Variants in MACROD2 observed in about 807,000 individuals in gnomAD.
MACROD2 encodes ADP-ribose glycohydrolase MACROD2.
In MACROD2, 36 loss-of-function variants were observed where a neutral mutation model predicts 70.4. The ratio of observed to expected loss-of-function variants is 0.51; its 90% CI spans 0.39 to 0.68. MACROD2 has a LOEUF of 0.68. MACROD2 is among the 30% of genes least tolerant of loss of function. The pLI is 0.00. For missense variants in MACROD2, 496 were observed against 538.4 expected (o/e 0.92, Z 0.78); for synonymous variants, 172 against 178.8 (o/e 0.96, Z 0.30).
intron 8 of MACROD2, among the ~76,000 whole-genome samples, chr20:15,792,669 T>C (rs1035057727): frequency 3.9e-5 from 6 of 152,278 alleles, no homozygotes; most frequent in African/African-American, 9.6e-5. Flanking sequence ...ATATCCAGTG[T>C]CAAATGAGGA....
intron 5 of MACROD2, among the ~76,000 whole-genome samples, chr20:14,700,202 T>G (rs1300653343): frequency 6.6e-6 from 1 of 152,116 alleles, no homozygotes; most frequent in Non-Finnish European, 1.5e-5. Flanking sequence ...CCATATTTTG[T>G]GTGTGTGTCT....
At chr20:14,014,568 T>G (rs10485770) in intron 2 of MACROD2, among the ~76,000 whole-genome samples, 23,056 of 152,090 alleles carry the variant, frequency 0.15, 1,939 homozygotes, top group Admixed American at 0.22. Flanking sequence ...TTGGCAACAG[T>G]TCATACAATA....
At chr20:15,211,557 A>G (rs1294454483) in intron 5 of MACROD2, among the ~76,000 whole-genome samples, 1 of 151,936 alleles carries the variant, frequency 6.6e-6, no homozygotes, top group Non-Finnish European at 1.5e-5. Context: ...CTATGAGTCC[A>G]CGTGAGAGCT....
intron 8 of MACROD2, among the ~76,000 whole-genome samples, chr20:15,524,351 T>G (rs544424902): frequency 1.3e-5 from 2 of 152,204 alleles, no homozygotes; most frequent in African/African-American, 4.8e-5. Flanking sequence ...TAGTGTCCCT[T>G]GGACACAGCT....
At chr20:14,468,335 T>G (rs1180724585) in intron 3 of MACROD2, among the ~76,000 whole-genome samples, 1 of 151,994 alleles carries the variant, frequency 6.6e-6, no homozygotes, top group Non-Finnish European at 1.5e-5. Context: ...TAGCTCTTCT[T>G]GTTGCATTGA....
intron 5 of MACROD2, among the ~76,000 whole-genome samples, chr20:15,011,740 C>G (rs2075084060): frequency 6.6e-6 from 1 of 152,084 alleles, no homozygotes. Flanking sequence ...AGGATGAGGC[C>G]CTAATGTGTT....
At chr20:15,717,598 A>G (rs2050724384) in intron 8 of MACROD2, among the ~76,000 whole-genome samples, 1 of 152,220 alleles carries the variant, frequency 6.6e-6, no homozygotes, top group East Asian at 1.9e-4. Context: ...TGCAGCCCTA[A>G]TCTAGACACC....
At chr20:14,019,780 A>C (rs2053047115) in intron 2 of MACROD2, among the ~76,000 whole-genome samples, 1 of 152,144 alleles carries the variant, frequency 6.6e-6, no homozygotes, top group African/African-American at 2.4e-5. Context: ...GCAATCCGAA[A>C]AGGCCAATCT....
At chr20:14,746,720 G>T (rs1326498443) in intron 5 of MACROD2, among the ~76,000 whole-genome samples, 1 of 152,070 alleles carries the variant, frequency 6.6e-6, no homozygotes, top group Non-Finnish European at 1.5e-5. Context: ...AACCATTAAC[G>T]CATTAATGTG....
intron 15 of MACROD2, among the ~76,000 whole-genome samples, chr20:16,034,967 A>G (rs1414001840): frequency 6.7e-6 from 1 of 149,240 alleles, no homozygotes; most frequent in Non-Finnish European, 1.5e-5. Flanking sequence ...AATCTCATCC[A>G]TGTCATTGTA....
chr20:14,873,207 A>C (rs1360289166), intron 5 of MACROD2, among the ~76,000 whole-genome samples: 1 of 152,170 alleles, frequency 6.6e-6, no homozygotes. Flanking sequence ...AGTTCAATAC[A>C]TGTTTTTATC....
intron 3 of MACROD2, among the ~76,000 whole-genome samples, chr20:14,374,747 A>G (rs530147786): frequency 6.6e-6 from 1 of 152,130 alleles, no homozygotes; most frequent in African/African-American, 2.4e-5. Context: ...GTCATAATCA[A>G]ATTGATCATC....
intron 8 of MACROD2, among the ~76,000 whole-genome samples, chr20:15,646,874 A>T (rs2049554805): frequency 6.6e-6 from 1 of 152,102 alleles, no homozygotes; most frequent in Admixed American, 6.5e-5. Flanking sequence ...TTTGTAAATT[A>T]CTCAGTGTCA....
At chr20:15,740,565 A>G (rs2051089031) in intron 8 of MACROD2, among the ~76,000 whole-genome samples, 1 of 151,928 alleles carries the variant, frequency 6.6e-6, no homozygotes, top group Non-Finnish European at 1.5e-5. Flanking sequence ...CTAAAGCTAT[A>G]CTTCTTGTCC....
intron 5 of MACROD2, among the ~76,000 whole-genome samples, chr20:14,918,757 A>C (rs1309920511): frequency 6.6e-6 from 1 of 151,968 alleles, no homozygotes; most frequent in Non-Finnish European, 1.5e-5. Flanking sequence ...TGAAGGTCAT[A>C]CTATTAGATT....
chr20:14,867,083 A>G (rs2122405843), intron 5 of MACROD2, among the ~76,000 whole-genome samples: 1 of 152,224 alleles, frequency 6.6e-6, no homozygotes, highest in Non-Finnish European at 1.5e-5. Context: ...TGCATTCCTC[A>G]AGGATCGTGT....
intron 3 of MACROD2, among the ~76,000 whole-genome samples, chr20:14,302,571 C>T (rs1312971541): frequency 6.6e-6 from 1 of 151,928 alleles, no homozygotes; most frequent in African/African-American, 2.4e-5. Flanking sequence ...GTCCTTATAC[C>T]TATTGATTTT....
At chr20:14,394,541 C>T (rs1359264729) in intron 3 of MACROD2, among the ~76,000 whole-genome samples, 2 of 152,120 alleles carry the variant, frequency 1.3e-5, no homozygotes, top group Non-Finnish European at 2.9e-5. Context: ...TTACTTCTTC[C>T]TTTCTTATAT....
intron 8 of MACROD2, among the ~76,000 whole-genome samples, chr20:15,841,315 G>A: frequency 6.6e-6 from 1 of 152,128 alleles, no homozygotes. Context: ...GGATGGGGGG[G>A]TGTATTAGTC....
Sources: gnomAD v4.1 joint callset for allele counts (sites outside exome capture counted in the v4.1 genomes callset) on GRCh38, gnomAD v4.1.1 for gene constraint, MANE v1.5 for transcripts, NCBI Gene and HGNC (gene_info 2026-07-23, HGNC 2026-07-21) for gene names.